Variants in ERC2 observed in about 807,000 individuals in gnomAD.
ERC2 encodes the protein ELKS/RAB6-interacting/CAST family member 2, also known as ERC protein 2.
Under a neutral mutation model 114.8 loss-of-function variants are expected in ERC2, and 42 were observed. That is an observed-to-expected ratio of 0.37 (90% CI 0.29 to 0.47). The LOEUF (loss-of-function observed/expected upper bound fraction) is 0.47, where lower values mean the gene tolerates loss of function less well. ERC2 is among the 20% of genes least tolerant of loss of function. The pLI is 0.99. For missense variants in ERC2, 939 were observed against 1,150.7 expected, an observed-to-expected ratio of 0.82 and a Z score of 2.66; for synonymous variants, 454 against 425.5, an observed-to-expected ratio of 1.07 and a Z score of -0.82.
At chr3:55,842,920 TGAGA>T (rs765107977) in intron 14 of ERC2, among the ~76,000 whole-genome samples, 1 of 150,874 alleles carries the variant, frequency 6.6e-6, no homozygotes, top group East Asian at 1.9e-4. Context: ...AAGGAGTGTG[TGAGA>T]GAGAGAGAGA....
chr3:55,623,641 G>A (rs2059403727), intron 17 of ERC2, among the ~76,000 whole-genome samples: 1 of 152,058 alleles, frequency 6.6e-6, no homozygotes, highest in African/African-American at 2.4e-5. Context: ...ATTCCTAACT[G>A]TCCTTCCCAC....
intron 14 of ERC2, among the ~76,000 whole-genome samples, chr3:55,839,692 A>C (rs953459299): frequency 3.9e-5 from 6 of 151,958 alleles, no homozygotes; most frequent in African/African-American, 1.4e-4. Context: ...CAAAACAAAG[A>C]GCTATGGTGA....
chr3:56,333,701 T>A (rs1315937474), intron 2 of ERC2, among the ~76,000 whole-genome samples: 2 of 152,168 alleles, frequency 1.3e-5, no homozygotes, highest in Admixed American at 6.5e-5. Context: ...AATGAACATT[T>A]TTTTTTTCAT....
At chr3:55,955,180 C>T (rs1451009315) in intron 12 of ERC2, 1 of 515,084 alleles carries the variant, frequency 1.9e-6, no homozygotes, top group Non-Finnish European at 3.9e-6. Flanking sequence ...AAACAGTGGT[C>T]ATGACTGAAG....
At chr3:55,592,472 T>C (rs1037528927) in intron 17 of ERC2, among the ~76,000 whole-genome samples, 1 of 151,924 alleles carries the variant, frequency 6.6e-6, no homozygotes, top group Non-Finnish European at 1.5e-5. Context: ...TCCATGCTGG[T>C]AGAGTCATGG....
chr3:55,747,468 G>A (rs2066379823), intron 14 of ERC2, among the ~76,000 whole-genome samples: 1 of 152,162 alleles, frequency 6.6e-6, no homozygotes, highest in Non-Finnish European at 1.5e-5. Flanking sequence ...AAGGGAAATT[G>A]CTTTTCTGGA....
intron 14 of ERC2, among the ~76,000 whole-genome samples, chr3:55,814,798 G>A (rs754488054): frequency 2.6e-5 from 4 of 152,140 alleles, no homozygotes; most frequent in African/African-American, 4.8e-5. Context: ...ACTCACAATC[G>A]TGTGGCACAT....
chr3:56,390,392 A>G lies in ERC2; in HGVS notation c.657+43959T>C, dbSNP rs1275219661. ...TTTCAAACTAAACTAACACTAGGTC[A>G]TTCTCCCCTGCCCCTTACCTAAATG... On this transcript the variant is annotated intron_variant, in intron 2 of 17. Coordinates refer to ENST00000288221, the MANE Select transcript of ERC2 (RefSeq NM_015576.3). Among the ~76,000 whole-genome samples, 3 of 152,310 alleles carry G rather than the reference A, an allele frequency of 2.0e-5. No homozygotes were observed. The East Asian group carries it at 5.8e-4, about 29-fold the overall frequency.
intron 2 of ERC2, among the ~76,000 whole-genome samples, chr3:56,409,006 C>T (rs2060834559): frequency 1.3e-5 from 2 of 152,234 alleles, no homozygotes; most frequent in Admixed American, 1.3e-4. Flanking sequence ...CTCTTCTACC[C>T]ATGTTGTCAT....
chr3:55,591,845 G>C (rs1238252120), intron 17 of ERC2, among the ~76,000 whole-genome samples: 1 of 152,224 alleles, frequency 6.6e-6, no homozygotes, highest in Non-Finnish European at 1.5e-5. Context: ...ATGAGGCTCA[G>C]AGTAGGTAAC....
At chr3:55,629,382 A>T (rs2059652954) in intron 17 of ERC2, among the ~76,000 whole-genome samples, 1 of 152,266 alleles carries the variant, frequency 6.6e-6, no homozygotes, top group African/African-American at 2.4e-5. Context: ...ACTCTCAAAC[A>T]CTAGAAATAA....
At chr3:56,447,861 G>A (rs764675254) in intron 1 of ERC2, among the ~76,000 whole-genome samples, 38 of 151,932 alleles carry the variant, frequency 2.5e-4, no homozygotes, top group Middle Eastern at 6.8e-3. Context: ...TCCTGCCTCA[G>A]CCTCTCGAGT....
At chr3:55,880,860 G>C (rs1019007993) in intron 14 of ERC2, among the ~76,000 whole-genome samples, 4 of 151,630 alleles carry the variant, frequency 2.6e-5, no homozygotes, top group African/African-American at 9.7e-5. Flanking sequence ...GACAGGATTA[G>C]TGTATGCTAA....
chr3:55,565,956 T>A (rs1397311816), intron 17 of ERC2, among the ~76,000 whole-genome samples: 1 of 152,188 alleles, frequency 6.6e-6, no homozygotes, highest in East Asian at 1.9e-4. Flanking sequence ...AATTCCAAAT[T>A]TCTTCTTCCT....
Position 56,349,581 on chromosome 3 carries a change from G to A in ERC2, c.658-53146C>T, listed in dbSNP as rs1300315443. On this transcript the variant is annotated intron_variant, in intron 2 of 17. Transcript: ENST00000288221. ...AATAGACAGCAGGGCCTACTTGAGG[G>A]TTGAGGGTGGGAGGAGGATGAGGAT... 2.0e-5 allele frequency among the ~76,000 whole-genome samples: 3 copies of A among 152,208 alleles called. No homozygotes were observed. The East Asian group carries it at 5.8e-4, about 29-fold the overall frequency.
intron 17 of ERC2, among the ~76,000 whole-genome samples, chr3:55,618,555 A>G (rs2059211641): frequency 6.6e-6 from 1 of 152,230 alleles, no homozygotes; most frequent in Non-Finnish European, 1.5e-5. Context: ...TTAATGTGGA[A>G]AGTGTCCAAC....
chr3:55,976,889 A>C (rs1007956327), intron 12 of ERC2, among the ~76,000 whole-genome samples: 4 of 152,192 alleles, frequency 2.6e-5, no homozygotes, highest in African/African-American at 9.7e-5. Flanking sequence ...TAACCTCCAA[A>C]GTGATCGTAT....
At chr3:55,758,608 C>T (rs1195518807) in intron 14 of ERC2, among the ~76,000 whole-genome samples, 2 of 152,174 alleles carry the variant, frequency 1.3e-5, no homozygotes, top group East Asian at 3.9e-4. Context: ...TTCCTTGTCT[C>T]CTAGGACATC....
intron 14 of ERC2, among the ~76,000 whole-genome samples, chr3:55,812,240 A>T (rs1008463266): frequency 2.6e-5 from 4 of 152,220 alleles, no homozygotes; most frequent in African/African-American, 9.6e-5. Flanking sequence ...AGCAGCTAGC[A>T]AGGTACCTTC....
Sources: gnomAD v4.1 joint callset for allele counts (sites outside exome capture counted in the v4.1 genomes callset) on GRCh38, gnomAD v4.1.1 for gene constraint, MANE v1.5 for transcripts, NCBI Gene and HGNC (gene_info 2026-07-23, HGNC 2026-07-21) for gene names.